The following NCKAP5 variants were observed in gnomAD, a reference collection of about 807,000 sequenced individuals.
The protein encoded by NCKAP5 is NCK associated protein 5.
NCKAP5 carries 92 observed loss-of-function variants against 167.0 expected under a neutral mutation model. That is an observed-to-expected ratio of 0.55 (90% CI 0.47 to 0.66). The LOEUF (loss-of-function observed/expected upper bound fraction) is 0.66, where lower values mean the gene tolerates loss of function less well. NCKAP5 is among the 30% of genes least tolerant of loss of function. The pLI is 0.00. For missense variants in NCKAP5, 2,378 were observed against 2,315.0 expected (o/e 1.03, Z -0.56); for synonymous variants, 891 against 877.4 (o/e 1.02, Z -0.27).
intron 3 of NCKAP5, among the ~76,000 whole-genome samples, chr2:133,434,727 C>T (rs1690364715): frequency 6.6e-6 from 1 of 152,202 alleles, no homozygotes; most frequent in African/African-American, 2.4e-5. Context: ...CATTCCAGCA[C>T]ATAGTAGGTG....
At chr2:132,926,211 A>C (rs1695874966) in intron 8 of NCKAP5, 1 of 396,960 alleles carries the variant, frequency 2.5e-6, no homozygotes, top group East Asian at 7.5e-5. Context: ...TGTTTCTGCA[A>C]AAGATATGAT....
At chr2:133,282,822 T>C (rs2089977340) in intron 4 of NCKAP5, among the ~76,000 whole-genome samples, 1 of 152,152 alleles carries the variant, frequency 6.6e-6, no homozygotes, top group Non-Finnish European at 1.5e-5. Context: ...TGTAGAAACA[T>C]AGCAAGTGGT....
At chr2:132,806,261 AT>A (rs1442602792) in intron 11 of NCKAP5, among the ~76,000 whole-genome samples, 2 of 152,144 alleles carry the variant, frequency 1.3e-5, no homozygotes, top group African/African-American at 4.8e-5. Context: ...TTTTCGAATA[AT>A]GATTTGTTTT....
intron 3 of NCKAP5, among the ~76,000 whole-genome samples, chr2:133,517,003 G>C (rs375226844): frequency 7.6e-4 from 115 of 152,282 alleles, no homozygotes; most frequent in African/African-American, 2.7e-3. Flanking sequence ...CAGAAAGTTA[G>C]TTTACAGACA....
chr2:133,481,052 A>C (rs1312915770), intron 3 of NCKAP5, among the ~76,000 whole-genome samples: 1 of 152,216 alleles, frequency 6.6e-6, no homozygotes, highest in African/African-American at 2.4e-5. Context: ...GACCTATATC[A>C]TACCATTGGA....
intron 3 of NCKAP5, among the ~76,000 whole-genome samples, chr2:133,336,188 G>A (rs1221363704): frequency 6.6e-6 from 1 of 152,140 alleles, no homozygotes; most frequent in African/African-American, 2.4e-5. Context: ...ACTGTCTTGA[G>A]TGTGCCTGGT....
chr2:132,781,828 C>T (rs1324581703), intron 14 of NCKAP5, 112 bp downstream of exon 14: 11 of 963,468 alleles, frequency 1.1e-5, no homozygotes, highest in Non-Finnish European at 1.7e-5. Flanking sequence ...TTCATTTCTG[C>T]CTGTATGAAA....
At chr2:132,730,447 A>G (rs1237704404) in intron 17 of NCKAP5, among the ~76,000 whole-genome samples, 1 of 152,202 alleles carries the variant, frequency 6.6e-6, no homozygotes, top group Non-Finnish European at 1.5e-5. Flanking sequence ...GAGAGCCAGG[A>G]TTGCACCATT....
At chr2:132,895,841 A>C (rs952445814) in intron 8 of NCKAP5, among the ~76,000 whole-genome samples, 1 of 151,442 alleles carries the variant, frequency 6.6e-6, no homozygotes. Flanking sequence ...AAACAAAAAA[A>C]AAAACACAGT....
intron 6 of NCKAP5, among the ~76,000 whole-genome samples, chr2:133,063,202 C>G (rs1325348631): frequency 6.6e-6 from 1 of 152,096 alleles, no homozygotes; most frequent in East Asian, 1.9e-4. Context: ...TAAGTTGCCC[C>G]CTACAGAATG....
chr2:132,777,970 A>C (rs73957680), intron 15 of NCKAP5, among the ~76,000 whole-genome samples: 2,550 of 152,160 alleles, frequency 0.017, 68 homozygotes, highest in African/African-American at 0.059. Flanking sequence ...GATCTCATTA[A>C]TTTTGTTAAT....
the NCKAP5 span, among the ~76,000 whole-genome samples, chr2:133,668,380 A>G: frequency 6.6e-6 from 1 of 152,058 alleles, no homozygotes; most frequent in African/African-American, 2.4e-5. Context: ...TGGCTACACA[A>G]TTTACACAAT....
the NCKAP5 span, among the ~76,000 whole-genome samples, chr2:133,614,560 T>C: frequency 1.1e-4 from 16 of 151,858 alleles, no homozygotes; most frequent in East Asian, 3.9e-4. Context: ...CGATGGAAGA[T>C]GAAATGAATG....
At chr2:132,880,124 G>A (rs1410431493) in intron 8 of NCKAP5, among the ~76,000 whole-genome samples, 1 of 152,202 alleles carries the variant, frequency 6.6e-6, no homozygotes, top group Non-Finnish European at 1.5e-5. Context: ...AGAATAAAAT[G>A]ATAGATACTA....
At chr2:133,565,946 C>T (rs762342370) in intron 1 of NCKAP5, among the ~76,000 whole-genome samples, 19 of 152,098 alleles carry the variant, frequency 1.2e-4, no homozygotes, top group South Asian at 4.1e-4. Context: ...TTGCTTTCGA[C>T]GGAAAGAGGT....
intron 6 of NCKAP5, among the ~76,000 whole-genome samples, chr2:133,100,057 T>A (rs1270556195): frequency 2.0e-5 from 3 of 152,138 alleles, no homozygotes; most frequent in African/African-American, 7.2e-5. Flanking sequence ...TCCTCCTACC[T>A]CTCTAAAGTG....
At chr2:133,058,005 A>G (rs7567201) in intron 6 of NCKAP5, among the ~76,000 whole-genome samples, 117,398 of 152,164 alleles carry the variant, frequency 0.77, 45,564 homozygotes, top group East Asian at 0.97. Context: ...TTAAGAATTA[A>G]GCTAAATCTA....
intron 16 of NCKAP5, among the ~76,000 whole-genome samples, chr2:132,748,123 T>C (rs1021930718): frequency 2.6e-5 from 4 of 152,220 alleles, no homozygotes; most frequent in African/African-American, 7.2e-5. Flanking sequence ...GTCCCTGCTA[T>C]GTATCAGTTT....
chr2:133,103,655 G>A (rs1220412142), intron 6 of NCKAP5, among the ~76,000 whole-genome samples: 1 of 152,248 alleles, frequency 6.6e-6, no homozygotes, highest in South Asian at 2.1e-4. Flanking sequence ...GACTGGGCGT[G>A]GTACTCCAGC....
Sources: allele counts gnomAD v4.1 joint callset (sites outside exome capture counted in the v4.1 genomes callset), GRCh38; gene constraint gnomAD v4.1.1; transcripts MANE v1.5; gene names NCBI Gene and HGNC (gene_info 2026-07-23, HGNC 2026-07-21).